ME3: variants seen among roughly 807,000 people sequenced by gnomAD.
ME3 encodes NADP-dependent malic enzyme, mitochondrial.
Under a neutral mutation model 68.9 loss-of-function variants are expected in ME3, and 48 were observed. That is an observed-to-expected ratio of 0.70 (90% CI 0.55 to 0.89). ME3 has a LOEUF of 0.89. Ranked by LOEUF, ME3 falls within the 40% of genes least tolerant of loss-of-function variation. The pLI, the probability that ME3 is intolerant of heterozygous loss-of-function variation, is 0.00. For missense variants in ME3, 675 were observed against 797.4 expected, an observed-to-expected ratio of 0.85 and a Z score of 1.85; for synonymous variants, 320 against 318.8, an observed-to-expected ratio of 1.00 and a Z score of -0.04.
At chr11:86,666,177 C>T (rs200165644) in intron 2 of ME3, among the ~76,000 whole-genome samples, 1 of 152,134 alleles carries the variant, frequency 6.6e-6, no homozygotes, top group East Asian at 1.9e-4. Context: ...TCTCTTGCAG[C>T]TAAATGTAGC....
chr11:86,466,003 G>A (rs895195254), intron 7 of ME3, among the ~76,000 whole-genome samples: 6 of 152,198 alleles, frequency 3.9e-5, no homozygotes, highest in Non-Finnish European at 7.3e-5. Flanking sequence ...TGGCCATTAA[G>A]ATGCTTGATA....
exon 15 of ME3, chr11:86,441,139 C>G: frequency 1.2e-6 from 1 of 825,342 alleles, no homozygotes; most frequent in Non-Finnish European, 1.7e-6. Flanking sequence ...CACTGTATGC[C>G]TTGGCATCTC....
At chr11:86,559,856 A>G in intron 2 of ME3, 33 bp from the exon 3 acceptor site, 1 of 1,608,876 alleles carries the variant, frequency 6.2e-7, no homozygotes, top group Non-Finnish European at 8.5e-7. Flanking sequence ...ACCCACACAT[A>G]AGTGCATACT....
chr11:86,504,469 C>T (rs773719140), intron 5 of ME3, among the ~76,000 whole-genome samples: 1 of 145,176 alleles, frequency 6.9e-6, no homozygotes, highest in Non-Finnish European at 1.5e-5. Context: ...CGGCTCACTG[C>T]AACCTCTGCC....
chr11:86,533,503 A>C (rs1053704644), intron 4 of ME3, among the ~76,000 whole-genome samples: 1 of 152,190 alleles, frequency 6.6e-6, no homozygotes, highest in African/African-American at 2.4e-5. Context: ...TCAGTGATCA[A>C]AAGTCAACCA....
At chr11:86,556,834 T>G in intron 3 of ME3, 132 bp from the exon 4 acceptor site, 1 of 885,278 alleles carries the variant, frequency 1.1e-6, no homozygotes, top group South Asian at 1.7e-5. Flanking sequence ...CCATCTGCCC[T>G]GAGCATGAGC....
intron 4 of ME3, among the ~76,000 whole-genome samples, chr11:86,527,788 C>T (rs193127725): frequency 1.3e-5 from 2 of 152,248 alleles, no homozygotes; most frequent in South Asian, 2.1e-4. Flanking sequence ...TAAAATACTT[C>T]ATAGACAAGC....
intron 4 of ME3, among the ~76,000 whole-genome samples, chr11:86,539,885 C>A (rs569059674): frequency 1.2e-4 from 18 of 152,148 alleles, no homozygotes; most frequent in Non-Finnish European, 2.2e-4. Context: ...TATAGTAACA[C>A]TAAAGATAGC....
chr11:86,465,098 G>A (rs1277187963), exon 8 of ME3: 17 of 1,611,202 alleles, frequency 1.1e-5, no homozygotes, highest in Middle Eastern at 1.7e-4. Context: ...TACCTTGGAT[G>A]TCATCATTGA....
rs1957209424 is a variant in ME3, at chr11:86,561,095, G to A, written c.184-1272C>T. 2.6e-5 allele frequency among the ~76,000 whole-genome samples: 4 copies of A among 152,186 alleles called. No individual in the cohort carries two copies. The South Asian group carries it at 8.3e-4, about 32-fold the overall frequency. On this transcript the variant is annotated intron_variant, in intron 2 of 14. Transcript: ENST00000543262. ...TGATCAGTGGCCAAAAGTCATGCTT[G>A]TCAGGTTTCTCCACTGTAAAGTTAC...
intron 4 of ME3, among the ~76,000 whole-genome samples, chr11:86,521,452 TAAA>T (rs893955314): frequency 0.094 from 12,789 of 136,084 alleles, 630 homozygotes; most frequent in Middle Eastern, 0.13. Context: ...ATAATAATAA[TAAA>T]AAAATGGAGC....
In ME3 at chr11:86,441,444, G is replaced by C; in HGVS notation, c.1654-4C>G. The C allele has an allele frequency of 1.3e-6, 2 of 1,577,410 alleles. No individual in the cohort carries two copies. The highest frequency in any genetic ancestry group is 1.7e-6 in the Non-Finnish European group (2 of 1,165,704). ...GTTTGTACGCGTAGTCGAGAACCTAGAGAAAAACATGTTTGGCTAAGGAAC... is the reference window on the plus strand; with the variant it reads ...GTTTGTACGCGTAGTCGAGAACCTACAGAAAAACATGTTTGGCTAAGGAAC... On this transcript the variant is annotated splice_polypyrimidine_tract_variant and splice_region_variant and intron_variant, in intron 14 of 14. Coordinates refer to ENST00000543262, the Ensembl canonical transcript of ME3.
intron 2 of ME3, among the ~76,000 whole-genome samples, chr11:86,655,977 A>G (rs979607004): frequency 1.3e-5 from 2 of 151,974 alleles, no homozygotes; most frequent in Non-Finnish European, 2.9e-5. Flanking sequence ...ACATTTATGC[A>G]GCCAAAAGAC....
At chr11:86,516,387 A>G (rs1176148580) in intron 4 of ME3, among the ~76,000 whole-genome samples, 6 of 151,826 alleles carry the variant, frequency 4.0e-5, no homozygotes, top group African/African-American at 1.4e-4. Context: ...GTGTGTGTAT[A>G]TATATATATA....
In ME3 at chr11:86,643,105, G is replaced by T. The variant is rs189135111; in HGVS notation, c.183+28657C>A. ...TTGCTTCCTTAGGCCTCTCATGTCT[G>T]TGTTTGCTTCACTATTCGTCATACA... is the stretch of plus-strand genomic sequence containing the variant. On this transcript the variant is annotated intron_variant, in intron 2 of 14. Transcript: ENST00000543262. Among the ~76,000 whole-genome samples, 7 of 152,274 alleles carry T rather than the reference G, an allele frequency of 4.6e-5. No individual in the cohort carries two copies. In the East Asian group the frequency reaches 1.2e-3, roughly 25 times the overall value.
At chr11:86,537,991 C>T (rs932323722) in intron 4 of ME3, among the ~76,000 whole-genome samples, 1 of 152,190 alleles carries the variant, frequency 6.6e-6, no homozygotes, top group Non-Finnish European at 1.5e-5. Context: ...TGCTGAGGCT[C>T]TTTAACATGG....
chr11:86,476,305 C>G (rs942909786), intron 7 of ME3, among the ~76,000 whole-genome samples: 1 of 152,190 alleles, frequency 6.6e-6, no homozygotes, highest in Non-Finnish European at 1.5e-5. Context: ...CACGAAGGCT[C>G]TGCCTCTGTA....
intron 2 of ME3, among the ~76,000 whole-genome samples, chr11:86,639,200 A>G (rs1470750535): frequency 6.6e-6 from 1 of 152,186 alleles, no homozygotes; most frequent in Non-Finnish European, 1.5e-5. Flanking sequence ...CACAAGATTT[A>G]TATTCTTGCC....
At chr11:86,503,964 C>T (rs533354160) in intron 5 of ME3, among the ~76,000 whole-genome samples, 7 of 152,308 alleles carry the variant, frequency 4.6e-5, no homozygotes, top group African/African-American at 1.7e-4. Context: ...TTGTGATTTA[C>T]GCTGGACAGC....
Sources: gnomAD v4.1 joint callset for allele counts (sites outside exome capture counted in the v4.1 genomes callset) on GRCh38, gnomAD v4.1.1 for gene constraint, MANE v1.5 for transcripts, NCBI Gene and HGNC (gene_info 2026-07-23, HGNC 2026-07-21) for gene names.